Variants in LEF1 observed in about 807,000 individuals in gnomAD.
The protein encoded by LEF1 is lymphoid enhancer-binding factor 1.
Under a neutral mutation model 51.2 loss-of-function variants are expected in LEF1, and 14 were observed. The ratio of observed to expected loss-of-function variants is 0.27; its 90% confidence interval spans 0.18 to 0.43. LEF1 has a LOEUF of 0.43. LEF1 is among the 20% of genes least tolerant of loss of function. The pLI is 1.00. For synonymous variants in LEF1, 185 were observed against 183.2 expected (o/e 1.01, Z -0.08); for missense variants, 386 against 512.0 (o/e 0.75, Z 2.37).
chr4:108,159,744 CA>C (rs998116946), intron 3 of LEF1, among the ~76,000 whole-genome samples: 3 of 152,028 alleles, frequency 2.0e-5, no homozygotes, highest in Admixed American at 6.6e-5. Context: ...TAATAGAAAC[CA>C]AAGTGTTGAT....
intron 9 of LEF1, 81 bp from the exon 10 acceptor site, chr4:108,064,465 G>A (rs1737915526): frequency 1.9e-6 from 2 of 1,059,690 alleles, no homozygotes; most frequent in African/African-American, 3.2e-5. Context: ...GTACAGGCAG[G>A]TGGTCAACAA....
intron 3 of LEF1, among the ~76,000 whole-genome samples, chr4:108,156,158 T>G (rs1744683899): frequency 6.6e-6 from 1 of 152,222 alleles, no homozygotes; most frequent in Non-Finnish European, 1.5e-5. Flanking sequence ...AAAAGCAGTT[T>G]TATCATCTCC....
intron 3 of LEF1, among the ~76,000 whole-genome samples, chr4:108,151,227 C>G (rs1053056957): frequency 6.6e-6 from 1 of 152,210 alleles, no homozygotes; most frequent in African/African-American, 2.4e-5. Flanking sequence ...CTCTTTCCCT[C>G]CTCCACATCT....
At chr4:108,113,044 T>C (rs775682956) in intron 3 of LEF1, among the ~76,000 whole-genome samples, 8 of 152,248 alleles carry the variant, frequency 5.3e-5, no homozygotes, top group Non-Finnish European at 8.8e-5. Flanking sequence ...GCCACATCTC[T>C]GAGCTGTGGA....
chr4:108,087,524 C>T (rs1243601779), intron 4 of LEF1, among the ~76,000 whole-genome samples: 2 of 151,856 alleles, frequency 1.3e-5, no homozygotes, highest in East Asian at 1.9e-4. Flanking sequence ...AAACTATAAG[C>T]GTAACTGAGA....
intron 6 of LEF1, among the ~76,000 whole-genome samples, chr4:108,080,863 C>A (rs553984302): frequency 6.6e-6 from 1 of 152,290 alleles, no homozygotes; most frequent in East Asian, 1.9e-4. Context: ...AATGCTAGCT[C>A]CCTTGACAAA....
intron 3 of LEF1, among the ~76,000 whole-genome samples, chr4:108,127,915 T>C (rs1742646216): frequency 6.6e-6 from 1 of 152,204 alleles, no homozygotes; most frequent in South Asian, 2.1e-4. Flanking sequence ...CACATGGCCC[T>C]GAATCCTCTC....
chr4:108,064,630 CTT>C (rs1201780433), intron 9 of LEF1, among the ~76,000 whole-genome samples: 1 of 149,028 alleles, frequency 6.7e-6, no homozygotes, highest in African/African-American at 2.6e-5. Flanking sequence ...TGGGTAGACA[CTT>C]TGTCTCTCTC....
chr4:108,134,730 A>G (rs1743144388), intron 3 of LEF1, among the ~76,000 whole-genome samples: 1 of 152,260 alleles, frequency 6.6e-6, no homozygotes, highest in Non-Finnish European at 1.5e-5. Flanking sequence ...AGGAGGTAAC[A>G]TCGTTTTATA....
intron 3 of LEF1, among the ~76,000 whole-genome samples, chr4:108,113,907 A>G (rs1293321622): frequency 6.6e-6 from 1 of 152,226 alleles, no homozygotes; most frequent in Non-Finnish European, 1.5e-5. Context: ...GCTGTAAAAG[A>G]TTTAGTTCTA....
chr4:108,149,446 G>A (rs1303626477), intron 3 of LEF1, among the ~76,000 whole-genome samples: 30 of 56,786 alleles, frequency 5.3e-4, no homozygotes, highest in African/African-American at 1.6e-3. Context: ...GCGACAGAGC[G>A]AGACTCCGTC....
chr4:108,097,227 T>A (rs1396217369), intron 3 of LEF1, among the ~76,000 whole-genome samples: 1 of 152,164 alleles, frequency 6.6e-6, no homozygotes, highest in East Asian at 1.9e-4. Context: ...GAAAATGTGG[T>A]ATATACCCAA....
At chr4:108,129,110 A>C (rs1212163455) in intron 3 of LEF1, among the ~76,000 whole-genome samples, 1 of 152,138 alleles carries the variant, frequency 6.6e-6, no homozygotes, top group East Asian at 1.9e-4. Flanking sequence ...ATTCTTCCTC[A>C]AACTCCTCTC....
intron 1 of LEF1, chr4:108,166,490 G>A: frequency 7.3e-7 from 1 of 1,371,180 alleles, no homozygotes; most frequent in South Asian, 1.6e-5. Context: ...TCCTCCAGAG[G>A]GTTTCCCAGT....
At chr4:108,146,189 C>G (rs1227628078) in intron 3 of LEF1, among the ~76,000 whole-genome samples, 1 of 152,176 alleles carries the variant, frequency 6.6e-6, no homozygotes, top group Non-Finnish European at 1.5e-5. Context: ...ACGTAGCGAC[C>G]TTGTGACTTT....
intron 3 of LEF1, among the ~76,000 whole-genome samples, chr4:108,154,551 A>T (rs1744573423): frequency 6.6e-6 from 1 of 151,682 alleles, no homozygotes. Context: ...GAATACAAAT[A>T]AGAAAAAAAA....
intron 3 of LEF1, among the ~76,000 whole-genome samples, chr4:108,144,913 C>G (rs557870802): frequency 7.1e-6 from 1 of 141,638 alleles, no homozygotes; most frequent in Admixed American, 7.2e-5. Flanking sequence ...ATGAATACTG[C>G]ATAATCTGCA....
In LEF1 at chr4:108,166,645, CT is replaced by C. The variant is rs953455450; in HGVS notation, c.213+909del. On this transcript the variant is annotated intron_variant, in intron 1 of 11. Transcript: ENST00000265165. ...CAGCACCCACGTGTCTCTATTTACT[CT>C]ACTCAGGTTACCAGCTCTATCGCCC... 2.9e-6 allele frequency: 3 copies of C among 1,033,220 alleles called. No individual in the cohort carries two copies. The African/African-American group carries it at 5.1e-5, about 18-fold the overall frequency. 64.0% of individuals were successfully genotyped at this position (1,033,220 alleles called of 1,614,324 possible).
intron 3 of LEF1, among the ~76,000 whole-genome samples, chr4:108,124,721 G>A (rs529705810): frequency 2.3e-4 from 35 of 152,290 alleles, no homozygotes; most frequent in African/African-American, 7.5e-4. Flanking sequence ...GCTATAAAAA[G>A]TCTTAATTTT....
Sources: gnomAD v4.1 joint callset for allele counts (sites outside exome capture counted in the v4.1 genomes callset) on GRCh38, gnomAD v4.1.1 for gene constraint, MANE v1.5 for transcripts, NCBI Gene and HGNC (gene_info 2026-07-23, HGNC 2026-07-21) for gene names.